TCF7L2: variants seen among roughly 807,000 people sequenced by gnomAD.
TCF7L2 encodes the protein transcription factor 7-like 2.
TCF7L2 carries 23 observed loss-of-function variants against 77.9 expected under a neutral mutation model. The observed-to-expected ratio is 0.30, with a 90% CI of 0.21 to 0.42. The LOEUF (loss-of-function observed/expected upper bound fraction) is 0.42. TCF7L2 is among the 10% of genes least tolerant of loss of function. The pLI is 1.00. For missense variants in TCF7L2, 654 were observed against 793.1 expected (o/e 0.82, Z 2.11); for synonymous variants, 413 against 340.2 (o/e 1.21, Z -2.36).
intron 4 of TCF7L2, among the ~76,000 whole-genome samples, chr10:113,019,218 A>G (rs889679384): frequency 3.9e-5 from 6 of 152,214 alleles, no homozygotes; most frequent in Admixed American, 2.0e-4. Flanking sequence ...ATGGTGACAG[A>G]GCAGGAGTCT....
At position 113,166,410 on chromosome 10, in the gene TCF7L2, G is replaced by T. The variant is rs1385471505; in HGVS notation, c.*438G>T. On this transcript the variant is annotated 3_prime_UTR_variant, in exon 14 of 14. Transcript: ENST00000627217. ...CTTGCGAACCAATCATTTTACATCT[G>T]GTTTTTAAACCGTAAGGGCACCATG... The T allele has an allele frequency of 4.4e-6, 1 of 225,914 alleles. No individual in the cohort carries two copies. The highest frequency in any genetic ancestry group is 2.3e-5 in the African/African-American group (1 of 44,292). The allele number at this position is 225,914 out of a possible 1,614,324, so 14.0% of individuals were successfully genotyped here.
intron 5 of TCF7L2, among the ~76,000 whole-genome samples, chr10:113,069,568 A>G (rs1027284470): frequency 1.3e-5 from 2 of 152,078 alleles, no homozygotes; most frequent in East Asian, 1.9e-4. Context: ...CTGCTTGCCT[A>G]ACCCGTCCAG....
chr10:113,110,357 T>G, intron 5 of TCF7L2, among the ~76,000 whole-genome samples: 1 of 147,200 alleles, frequency 6.8e-6, no homozygotes, highest in East Asian at 2.1e-4. Context: ...ATGTTTGAGA[T>G]TGTCTACTGG....
intron 13 of TCF7L2, among the ~76,000 whole-genome samples, chr10:113,163,955 G>A (rs117454149): frequency 0.015 from 2,214 of 152,340 alleles, 25 homozygotes; most frequent in Non-Finnish European, 0.022. Context: ...TCCAAGGCCA[G>A]TGACATTGTC....
intron 5 of TCF7L2, among the ~76,000 whole-genome samples, chr10:113,063,127 G>A (rs1564842126): frequency 6.6e-6 from 1 of 152,254 alleles, no homozygotes; most frequent in East Asian, 1.9e-4. Flanking sequence ...TACCGTGCCT[G>A]TAATCTCTCT....
intron 4 of TCF7L2, among the ~76,000 whole-genome samples, chr10:113,022,763 C>T (rs1001794333): frequency 6.6e-6 from 1 of 152,172 alleles, no homozygotes; most frequent in Non-Finnish European, 1.5e-5. Context: ...GATCCTTACA[C>T]GAACTCTGAG....
At chr10:112,986,923 T>C (rs544753460) in intron 4 of TCF7L2, among the ~76,000 whole-genome samples, 1 of 152,304 alleles carries the variant, frequency 6.6e-6, no homozygotes, top group African/African-American at 2.4e-5. Context: ...GCTCCTGGGC[T>C]TTTTCTTGCA....
At chr10:113,046,414 G>A (rs2053468958) in intron 5 of TCF7L2, among the ~76,000 whole-genome samples, 1 of 152,106 alleles carries the variant, frequency 6.6e-6, no homozygotes, top group East Asian at 1.9e-4. Flanking sequence ...CCTGGTGGTA[G>A]ACTGTTTCTT....
intron 4 of TCF7L2, among the ~76,000 whole-genome samples, chr10:113,034,471 A>G (rs548607613): frequency 5.9e-5 from 9 of 152,306 alleles, no homozygotes; most frequent in African/African-American, 2.2e-4. Context: ...ATGGCTGGCT[A>G]TACTCTCAGC....
intron 5 of TCF7L2, among the ~76,000 whole-genome samples, chr10:113,094,389 G>A (rs752479846): frequency 3.3e-5 from 5 of 152,182 alleles, no homozygotes; most frequent in African/African-American, 1.2e-4. Context: ...CATTTCCTGG[G>A]TACTGTATTT....
intron 5 of TCF7L2, among the ~76,000 whole-genome samples, chr10:113,057,853 GC>G (rs1243444339): frequency 6.6e-6 from 1 of 152,178 alleles, no homozygotes; most frequent in East Asian, 1.9e-4. Context: ...CTGAAAATGG[GC>G]AAGGTAATTT....
At chr10:113,107,897 G>C (rs1018676946) in intron 5 of TCF7L2, among the ~76,000 whole-genome samples, 1 of 151,838 alleles carries the variant, frequency 6.6e-6, no homozygotes, top group African/African-American at 2.4e-5. Flanking sequence ...GGGGCACTTA[G>C]TAATTAAAGC....
intron 3 of TCF7L2, among the ~76,000 whole-genome samples, chr10:112,958,421 A>G (rs534657839): frequency 6.6e-6 from 1 of 152,046 alleles, no homozygotes; most frequent in Admixed American, 6.5e-5. Context: ...AGAAGAAGTA[A>G]TGTTCAGGAA....
chr10:112,961,164 C>A (rs2035005894), intron 3 of TCF7L2, among the ~76,000 whole-genome samples: 1 of 151,838 alleles, frequency 6.6e-6, no homozygotes, highest in Non-Finnish European at 1.5e-5. Flanking sequence ...CAGGAATGCG[C>A]CACCACGCCC....
At chr10:113,047,314 G>A (rs2053632387) in intron 5 of TCF7L2, among the ~76,000 whole-genome samples, 1 of 152,124 alleles carries the variant, frequency 6.6e-6, no homozygotes, top group Non-Finnish European at 1.5e-5. Flanking sequence ...AGTTATGGTT[G>A]GAATGATTTT....
intron 5 of TCF7L2, among the ~76,000 whole-genome samples, chr10:113,053,946 C>T (rs2134644837): frequency 6.6e-6 from 1 of 152,300 alleles, no homozygotes; most frequent in East Asian, 1.9e-4. Context: ...CACATCGGAG[C>T]CAGGACTCTC....
chr10:113,165,764 C>T lies in TCF7L2; in HGVS notation c.1601C>T (p.Pro534Leu), dbSNP rs780741000. The T allele has an allele frequency of 2.9e-5, 47 of 1,609,376 alleles. No individual in the cohort carries two copies. In the East Asian group the frequency reaches 3.8e-4, roughly 13 times the overall value. Residue 534 changes from proline (P) to leucine (L), a missense_variant, in exon 14 of 14, where the codon CCG (proline) becomes CTG (leucine). By Grantham distance (98) the Pro-to-Leu change is moderately conservative. Coordinates refer to ENST00000627217, the MANE Select transcript of TCF7L2 (RefSeq NM_001146274.2). ...CTGGCCCACCTGTCCATGATGCCTC[C>T]GCCACCCGCCCTCCTGCTCGCTGAG...
intron 3 of TCF7L2, among the ~76,000 whole-genome samples, chr10:112,957,190 CTTTTTTTTTTTTT>C (rs35054285): frequency 1.6e-5 from 1 of 60,650 alleles, no homozygotes; most frequent in African/African-American, 7.2e-5. Flanking sequence ...ACACCCCCAC[CTTTTTTTTTTTTT>C]TTTTTTTTTT....
intron 13 of TCF7L2, chr10:113,161,675 A>T: frequency 1.3e-6 from 2 of 1,499,964 alleles, no homozygotes; most frequent in South Asian, 2.4e-5. Context: ...CCTCCCCTTC[A>T]TGACTTTGCC....
Sources: allele counts gnomAD v4.1 joint callset (sites outside exome capture counted in the v4.1 genomes callset), GRCh38; gene constraint gnomAD v4.1.1; transcripts MANE v1.5; gene names NCBI Gene and HGNC (gene_info 2026-07-23, HGNC 2026-07-21).